Variants in GRIP1 observed in about 807,000 individuals in gnomAD.
The protein encoded by GRIP1 is glutamate receptor interacting protein 1.
A neutral mutation model predicts 129.9 loss-of-function variants in GRIP1; 45 were observed. The observed-to-expected ratio is 0.35, with a 90% CI of 0.27 to 0.44. The LOEUF is 0.44. Ranked by LOEUF, GRIP1 falls within the 20% of genes least tolerant of loss-of-function variation. GRIP1 has a pLI of 1.00. For synonymous variants in GRIP1, 530 were observed against 520.8 expected, an observed-to-expected ratio of 1.02 and a Z score of -0.24; for missense variants, 1,196 against 1,396.8, an observed-to-expected ratio of 0.86 and a Z score of 2.29.
chr12:66,733,389 T>C (rs577323514), intron 1 of GRIP1, among the ~76,000 whole-genome samples: 11 of 152,122 alleles, frequency 7.2e-5, no homozygotes, highest in Non-Finnish European at 1.6e-4. Context: ...GCTAATAAGA[T>C]ATGAGTGGAT....
Position 66,444,540 on chromosome 12 carries a change from A to G in GRIP1, c.1687+44T>C, listed in dbSNP as rs370703407. 1.0e-5 allele frequency: 15 copies of G among 1,489,586 alleles called. No homozygotes were observed. The Admixed American group carries it at 1.7e-4, about 17-fold the overall frequency. 92.3% of individuals were successfully genotyped at this position (1,489,586 alleles called of 1,614,324 possible). On this transcript the variant is annotated intron_variant, in intron 13 of 24. Coordinates refer to ENST00000359742, the MANE Select transcript of GRIP1 (RefSeq NM_001366722.1). ...TAGTTTCCTCTCTGCCACATAACCA[A>G]TATAACTCACATGCAGTCCACTCCT...
intron 15 of GRIP1, among the ~76,000 whole-genome samples, chr12:66,419,963 G>A (rs577603350): frequency 5.7e-4 from 87 of 152,250 alleles, no homozygotes; most frequent in Non-Finnish European, 7.9e-4. Flanking sequence ...CGGGCATGGC[G>A]GTGTGCACCT....
At chr12:66,910,264 T>C (rs1053331522) in intron 1 of GRIP1, among the ~76,000 whole-genome samples, 2 of 152,210 alleles carry the variant, frequency 1.3e-5, no homozygotes, top group African/African-American at 2.4e-5. Flanking sequence ...TGTCATTCTC[T>C]CTCTGCCTAA....
chr12:66,820,495 T>G (rs552459432), intron 1 of GRIP1, among the ~76,000 whole-genome samples: 1 of 152,292 alleles, frequency 6.6e-6, no homozygotes, highest in African/African-American at 2.4e-5. Context: ...CCAGCAATCA[T>G]GCTCATTGGT....
chr12:66,739,815 G>A (rs1458392359), intron 1 of GRIP1, among the ~76,000 whole-genome samples: 1 of 151,496 alleles, frequency 6.6e-6, no homozygotes, highest in Non-Finnish European at 1.5e-5. Context: ...CTCCTTTCAT[G>A]TTCTGAGAAT....
At chr12:66,517,580 C>A (rs971326812) in intron 6 of GRIP1, among the ~76,000 whole-genome samples, 1 of 152,114 alleles carries the variant, frequency 6.6e-6, no homozygotes, top group African/African-American at 2.4e-5. Flanking sequence ...CTGTGCCATG[C>A]CCCCTGCAAG....
chr12:66,449,284 A>C (rs2058710862), intron 11 of GRIP1, among the ~76,000 whole-genome samples: 1 of 152,188 alleles, frequency 6.6e-6, no homozygotes, highest in Admixed American at 6.5e-5. Context: ...GAATGAATCA[A>C]ATTTTGGGAT....
intron 7 of GRIP1, among the ~76,000 whole-genome samples, chr12:66,499,292 G>A (rs1449321893): frequency 6.6e-6 from 1 of 152,064 alleles, no homozygotes; most frequent in African/African-American, 2.4e-5. Flanking sequence ...AAAAACAAGA[G>A]GTAGCCTGCT....
At chr12:66,390,670 C>G (rs1409193578) in intron 19 of GRIP1, among the ~76,000 whole-genome samples, 1 of 152,144 alleles carries the variant, frequency 6.6e-6, no homozygotes, top group African/African-American at 2.4e-5. Flanking sequence ...TCACAAAAAT[C>G]TCTGGTAACA....
At chr12:66,786,070 A>C (rs2038333160) in intron 1 of GRIP1, among the ~76,000 whole-genome samples, 1 of 152,196 alleles carries the variant, frequency 6.6e-6, no homozygotes, top group Non-Finnish European at 1.5e-5. Flanking sequence ...GTGACAAAGC[A>C]AGATCCTGTC....
At chr12:66,749,893 G>T (rs771895991) in intron 1 of GRIP1, among the ~76,000 whole-genome samples, 3 of 152,160 alleles carry the variant, frequency 2.0e-5, no homozygotes, top group Non-Finnish European at 4.4e-5. Flanking sequence ...TACAGAGAGA[G>T]AAATAAATTT....
intron 1 of GRIP1, among the ~76,000 whole-genome samples, chr12:66,759,627 AC>A (rs1196809136): frequency 6.6e-6 from 1 of 151,982 alleles, no homozygotes; most frequent in Admixed American, 6.5e-5. Context: ...TTTTAACAGC[AC>A]CCAAGTCACC....
At chr12:66,415,612 T>A (rs2137776064) in intron 15 of GRIP1, among the ~76,000 whole-genome samples, 1 of 152,190 alleles carries the variant, frequency 6.6e-6, no homozygotes, top group African/African-American at 2.4e-5. Flanking sequence ...TATAAAGATA[T>A]ATGCACGCTT....
At chr12:66,548,635 A>G (rs1297518412) in intron 2 of GRIP1, among the ~76,000 whole-genome samples, 2 of 152,114 alleles carry the variant, frequency 1.3e-5, no homozygotes, top group South Asian at 2.1e-4. Context: ...AATGAGGAGG[A>G]ATTTTCCGGA....
chr12:66,733,303 G>A (rs772596186), intron 1 of GRIP1, among the ~76,000 whole-genome samples: 4 of 151,962 alleles, frequency 2.6e-5, no homozygotes, highest in Non-Finnish European at 4.4e-5. Flanking sequence ...TTTCTAATAT[G>A]GAACACTGAT....
chr12:66,493,779 T>A (rs1189902954), intron 7 of GRIP1, among the ~76,000 whole-genome samples: 4 of 152,204 alleles, frequency 2.6e-5, no homozygotes, highest in Non-Finnish European at 5.9e-5. Context: ...GAAACTTGAT[T>A]TTAATGATGG....
intron 1 of GRIP1, among the ~76,000 whole-genome samples, chr12:67,010,818 C>T (rs574168449): frequency 1.3e-5 from 2 of 151,912 alleles, no homozygotes; most frequent in East Asian, 3.9e-4. Context: ...ACACTGTCTC[C>T]CCCCCAGCGC....
At chr12:66,843,830 C>A (rs912024128) in intron 1 of GRIP1, among the ~76,000 whole-genome samples, 2 of 152,028 alleles carry the variant, frequency 1.3e-5, no homozygotes, top group Non-Finnish European at 2.9e-5. Flanking sequence ...TTAAACATAA[C>A]AGCAAAAACT....
upstream of GRIP1, among the ~76,000 whole-genome samples, chr12:66,807,764 C>G (rs1038984520): frequency 2.0e-5 from 3 of 151,992 alleles, no homozygotes; most frequent in African/African-American, 7.2e-5. Flanking sequence ...CTTCCTGAGG[C>G]CTCCCCAGAA....
Sources: gnomAD v4.1 joint callset for allele counts (sites outside exome capture counted in the v4.1 genomes callset) on GRCh38, gnomAD v4.1.1 for gene constraint, MANE v1.5 for transcripts, NCBI Gene and HGNC (gene_info 2026-07-23, HGNC 2026-07-21) for gene names.